Variants in TRHDE observed in about 807,000 individuals in gnomAD.
The protein encoded by TRHDE is thyrotropin releasing hormone degrading enzyme, also known as thyrotropin-releasing hormone-degrading ectoenzyme.
In TRHDE, 72 loss-of-function variants were observed where a neutral mutation model predicts 125.7. That is an observed-to-expected ratio of 0.57 (90% CI 0.47 to 0.70). The LOEUF (loss-of-function observed/expected upper bound fraction) is 0.70, where lower values mean the gene tolerates loss of function less well. Among genes scored for constraint, TRHDE ranks in the 30% least tolerant of loss-of-function variants. The probability of loss-of-function intolerance (pLI) is 0.00; values close to 1 mark genes in which losing one functional copy is unlikely to be tolerated. For synonymous variants in TRHDE, 509 were observed against 509.1 expected (o/e 1.00, Z 0.00); for missense variants, 1,110 against 1,327.1 (o/e 0.84, Z 2.54).
intron 2 of TRHDE, among the ~76,000 whole-genome samples, chr12:72,238,278 A>ATT (rs1878377650): frequency 6.4e-4 from 5 of 7,842 alleles, no homozygotes; most frequent in African/African-American, 4.2e-3. Context: ...GATCCTTAAT[A>ATT]TATATATATA....
At chr12:72,441,982 T>C (rs964705056) in intron 3 of TRHDE, among the ~76,000 whole-genome samples, 3 of 151,572 alleles carry the variant, frequency 2.0e-5, no homozygotes, top group Admixed American at 1.3e-4. Context: ...AAAGGCTGAG[T>C]GGGGGTGTTA....
intron 9 of TRHDE, among the ~76,000 whole-genome samples, chr12:72,566,463 G>GAAGT (rs1870451510): frequency 6.6e-6 from 1 of 151,042 alleles, no homozygotes; most frequent in Non-Finnish European, 1.5e-5. Context: ...TGACATTTAG[G>GAAGT]AAGTGCTGTA....
At chr12:72,636,303 TTGTC>T (rs1409375608) in intron 15 of TRHDE, among the ~76,000 whole-genome samples, 4 of 150,528 alleles carry the variant, frequency 2.7e-5, no homozygotes, top group Non-Finnish European at 4.5e-5. Flanking sequence ...GGCTCTCTGT[TTGTC>T]TGTTGTTGTT....
chr12:72,568,401 T>A (rs1592542208), intron 9 of TRHDE, among the ~76,000 whole-genome samples, 167 bp from the exon 10 acceptor site: 1 of 152,068 alleles, frequency 6.6e-6, no homozygotes, highest in South Asian at 2.1e-4. Flanking sequence ...ATTGAAAGAG[T>A]GAATTCATCT....
intron 12 of TRHDE, among the ~76,000 whole-genome samples, chr12:72,597,762 T>TACACAC (rs199603810): frequency 1.4e-4 from 11 of 80,678 alleles, no homozygotes; most frequent in Non-Finnish European, 2.4e-4. Context: ...TATATATGCA[T>TACACAC]ACACACACAA....
chr12:72,505,469 T>TG (rs879306655), intron 6 of TRHDE, among the ~76,000 whole-genome samples: 5 of 152,150 alleles, frequency 3.3e-5, no homozygotes, highest in Admixed American at 6.5e-5. Context: ...AGTGAGTGAA[T>TG]GCTCATTAAA....
intron 7 of TRHDE, among the ~76,000 whole-genome samples, chr12:72,561,934 T>C (rs1441277971): frequency 6.6e-6 from 1 of 152,190 alleles, no homozygotes; most frequent in Admixed American, 6.5e-5. Context: ...TAAGAAGTTA[T>C]TATAGTTATG....
intron 5 of TRHDE, among the ~76,000 whole-genome samples, chr12:72,489,451 C>T (rs1384741837): frequency 6.6e-6 from 1 of 151,732 alleles, no homozygotes; most frequent in Non-Finnish European, 1.5e-5. Context: ...CATGATTCCT[C>T]TCAAAATCCC....
chr12:72,456,172 CACACAG>C (rs1477245460), intron 3 of TRHDE, among the ~76,000 whole-genome samples: 2 of 108,460 alleles, frequency 1.8e-5, no homozygotes, highest in Non-Finnish European at 4.3e-5. Context: ...CACACACACA[CACACAG>C]AGACTCAGAG....
intron 2 of TRHDE, among the ~76,000 whole-genome samples, chr12:72,188,002 C>T (rs1877262607): frequency 6.6e-6 from 1 of 152,090 alleles, no homozygotes; most frequent in East Asian, 1.9e-4. Flanking sequence ...GATAATATAA[C>T]CATAGCAAAC....
intron 3 of TRHDE, among the ~76,000 whole-genome samples, chr12:72,388,450 C>T (rs1028501666): frequency 4.6e-5 from 7 of 152,022 alleles, no homozygotes; most frequent in African/African-American, 1.5e-4. Context: ...TGCTCTATTC[C>T]CTCTACTGAG....
At chr12:72,204,105 G>A (rs767368317) in intron 2 of TRHDE, among the ~76,000 whole-genome samples, 1 of 152,034 alleles carries the variant, frequency 6.6e-6, no homozygotes, top group African/African-American at 2.4e-5. Flanking sequence ...ATTTGCTGTG[G>A]GAGGGTTTCA....
At position 72,542,328 on chromosome 12, in the gene TRHDE, G is replaced by A; in HGVS notation, c.1760G>A (p.Gly587Asp). The A allele has an allele frequency of 6.2e-7, 1 of 1,604,182 alleles. No homozygotes were observed. The highest frequency in any genetic ancestry group is 1.1e-5 in the South Asian group (1 of 89,976). Residue 587 changes from glycine to aspartate, a missense_variant, in exon 7 of 19, where the codon GGC becomes GAC. By Grantham distance (94) the Gly-to-Asp change is moderately conservative (BLOSUM62 -1). Coordinates refer to ENST00000261180, the MANE Select transcript of TRHDE (RefSeq NM_013381.3). The part of the protein sequence containing the change: ...ALIRMLANFM[G>D]HSVFQRGLQD... ...ATAAGAATGCTGGCTAATTTTATGG[G>A]CCATTCAGTTTTCCAGAGGGGTTTG...
At chr12:72,234,443 A>G (rs1878303392) in intron 2 of TRHDE, among the ~76,000 whole-genome samples, 1 of 152,194 alleles carries the variant, frequency 6.6e-6, no homozygotes, top group East Asian at 1.9e-4. Context: ...AGTATTTTAC[A>G]TAATCCACAT....
chr12:72,176,946 T>C (rs545353183), intron 2 of TRHDE, among the ~76,000 whole-genome samples: 1 of 151,784 alleles, frequency 6.6e-6, no homozygotes. Context: ...AAATAAAAAG[T>C]TTTTTTTGTG....
chr12:72,661,499 AT>A (rs1874915969), intron 18 of TRHDE, among the ~76,000 whole-genome samples: 2 of 152,196 alleles, frequency 1.3e-5, no homozygotes, highest in African/African-American at 4.8e-5. Context: ...TTTATAATAA[AT>A]TAAAACAAAA....
intron 13 of TRHDE, among the ~76,000 whole-genome samples, chr12:72,620,802 A>G (rs1873021815): frequency 6.6e-6 from 1 of 152,110 alleles, no homozygotes; most frequent in South Asian, 2.1e-4. Context: ...GGTGTTATCA[A>G]TATTCTTTGT....
At chr12:72,525,628 TGTGTGTGA>T (rs1383660016) in intron 6 of TRHDE, among the ~76,000 whole-genome samples, 8 of 148,698 alleles carry the variant, frequency 5.4e-5, no homozygotes, top group South Asian at 2.1e-4. Context: ...TGTGTGTGTG[TGTGTGTGA>T]GAGAGAGAGA....
At chr12:72,539,849 G>T (rs1869053959) in intron 6 of TRHDE, among the ~76,000 whole-genome samples, 1 of 151,764 alleles carries the variant, frequency 6.6e-6, no homozygotes, top group African/African-American at 2.4e-5. Context: ...TGCAGAAATA[G>T]TATGTCTACT....
Sources: gnomAD v4.1 joint callset for allele counts (sites outside exome capture counted in the v4.1 genomes callset) on GRCh38, gnomAD v4.1.1 for gene constraint, MANE v1.5 for transcripts, NCBI Gene and HGNC (gene_info 2026-07-23, HGNC 2026-07-21) for gene names.